TAF1A: variants seen among roughly 807,000 people sequenced by gnomAD.
TAF1A encodes TATA box-binding protein-associated factor RNA polymerase I subunit A.
A neutral mutation model predicts 61.6 loss-of-function variants in TAF1A; 42 were observed. The observed-to-expected ratio is 0.68, with a 90% CI of 0.53 to 0.88. The LOEUF (loss-of-function observed/expected upper bound fraction) is 0.88, where lower values mean the gene tolerates loss of function less well. Among genes scored for constraint, TAF1A ranks in the 40% least tolerant of loss-of-function variants. The pLI is 0.00. For synonymous variants in TAF1A, 179 were observed against 177.7 expected (o/e 1.01, Z -0.06); for missense variants, 424 against 518.7 (o/e 0.82, Z 1.77).
At chr1:222,575,222 AT>A (rs999662359) in intron 5 of TAF1A, among the ~76,000 whole-genome samples, 4 of 151,936 alleles carry the variant, frequency 2.6e-5, no homozygotes, top group African/African-American at 7.3e-5. Context: ...ATGGAAAAAA[AT>A]TTTTTTTAAA....
intron 7 of TAF1A, among the ~76,000 whole-genome samples, chr1:222,565,028 C>T (rs1267550128): frequency 1.3e-5 from 2 of 152,160 alleles, no homozygotes; most frequent in Non-Finnish European, 2.9e-5. Context: ...GCATACAAAT[C>T]ATGACACCAG....
At chr1:222,581,991 C>T (rs141731972) in intron 3 of TAF1A, among the ~76,000 whole-genome samples, 1 of 152,136 alleles carries the variant, frequency 6.6e-6, no homozygotes, top group Admixed American at 6.5e-5. Context: ...ATGAAATTCA[C>T]TTATGTTTCA....
At chr1:222,583,673 A>G (rs558218484) in intron 3 of TAF1A, among the ~76,000 whole-genome samples, 2 of 152,066 alleles carry the variant, frequency 1.3e-5, no homozygotes, top group East Asian at 1.9e-4. Context: ...CCCCGTCTCT[A>G]CCAAAATACA....
Position 222,564,317 on chromosome 1 carries a change from A to T in TAF1A, c.895-192T>A, listed in dbSNP as rs1180134282. Among the ~76,000 whole-genome samples the T allele has an allele frequency of 1.8e-4, 4 of 21,806 alleles. No homozygotes were observed. The highest frequency in any genetic ancestry group is 5.4e-4 in the African/African-American group (3 of 5,562). 14.3% of individuals were successfully genotyped at this position (21,806 alleles called of 152,430 possible). A position where few individuals can be genotyped will look rare whatever the true frequency, so the allele number is the denominator to read the frequency against. On this transcript the variant is annotated intron_variant, in intron 7 of 10. Coordinates refer to ENST00000352967, the MANE Select transcript of TAF1A (RefSeq NM_005681.4). ...AAAGCATTCTCTGTAAAGCTGTCTT[A>T]AAAAAAAAAAAAAAAAAAAGGCCCT...
chr1:222,555,958 A>C (rs1659720360), downstream of TAF1A, among the ~76,000 whole-genome samples: 1 of 152,198 alleles, frequency 6.6e-6, no homozygotes. Flanking sequence ...CAGTCCTGTC[A>C]GACTGTTCCA....
chr1:222,560,300 ACTGATGC>A (rs1659863170), intron 10 of TAF1A, among the ~76,000 whole-genome samples: 1 of 152,236 alleles, frequency 6.6e-6, no homozygotes. Context: ...TGCGGGAGTA[ACTGATGC>A]CTGATATTTG....
intron 2 of TAF1A, among the ~76,000 whole-genome samples, chr1:222,588,192 C>T (rs1340211071): frequency 2.0e-5 from 3 of 152,166 alleles, no homozygotes; most frequent in Non-Finnish European, 4.4e-5. Context: ...AATATTTAAT[C>T]AATGCCAGAG....
At chr1:222,568,504 T>A (rs1248331390) in intron 7 of TAF1A, among the ~76,000 whole-genome samples, 6 of 152,104 alleles carry the variant, frequency 3.9e-5, no homozygotes, top group African/African-American at 1.4e-4. Flanking sequence ...CCAATAGACA[T>A]ACTAAAAGAT....
intron 2 of TAF1A, among the ~76,000 whole-genome samples, chr1:222,587,185 A>G (rs1661049372): frequency 6.6e-6 from 1 of 152,198 alleles, no homozygotes; most frequent in South Asian, 2.1e-4. Flanking sequence ...AAATGAGGAG[A>G]GGAAAGGCAC....
chr1:222,561,680 A>G (rs1045155314), intron 9 of TAF1A, among the ~76,000 whole-genome samples, 162 bp from the exon 10 acceptor site: 3 of 152,238 alleles, frequency 2.0e-5, no homozygotes, highest in African/African-American at 7.2e-5. Flanking sequence ...CAACAGCAGG[A>G]AAGCAAATCC....
At chr1:222,576,796 G>A (rs968298106) in intron 5 of TAF1A, among the ~76,000 whole-genome samples, 1 of 152,216 alleles carries the variant, frequency 6.6e-6, no homozygotes, top group Non-Finnish European at 1.5e-5. Context: ...TTTATTATAT[G>A]TAATAATGAC....
chr1:222,569,410 A>C (rs1208575722), intron 7 of TAF1A, 100 bp downstream of exon 7: 1 of 1,605,158 alleles, frequency 6.2e-7, no homozygotes, highest in African/African-American at 1.3e-5. Context: ...ACATTATTGA[A>C]ATTTTCTGTA....
At chr1:222,569,396 CTGTACATTAT>C in intron 7 of TAF1A, 104 bp downstream of exon 7, 2 of 1,595,076 alleles carry the variant, frequency 1.3e-6, no homozygotes, top group Non-Finnish European at 1.7e-6. Flanking sequence ...TCTCAGTGTA[CTGTACATTAT>C]TGAAATTTTC....
chr1:222,571,120 T>C (rs1382194869), intron 5 of TAF1A, among the ~76,000 whole-genome samples: 1 of 152,058 alleles, frequency 6.6e-6, no homozygotes, highest in East Asian at 1.9e-4. Context: ...ATCAAAAGAA[T>C]ACAGGACCAA....
intron 1 of TAF1A, among the ~76,000 whole-genome samples, chr1:222,589,028 T>G (rs543247438): frequency 2.6e-5 from 4 of 152,224 alleles, no homozygotes; most frequent in African/African-American, 9.6e-5. Flanking sequence ...ACTGAGGGGC[T>G]TAGTGAAATG....
chr1:222,570,569 C>T lies in TAF1A; in HGVS notation c.701G>A (p.Gly234Glu). ...ACTCTTCACAAAAGGGTCCCAAACT[C>T]CAGGAATTTTAATCAATGCAGAAAT... ...ANISALIKIP[G>E]VWDPFVKSYV... is the part of the protein sequence containing the mutation. The change falls in exon 6 of 11, where the codon GGA becomes GAA. Residue 234 changes from glycine to glutamate, a missense_variant. Physicochemically the swap from Gly to Glu is moderately conservative, Grantham distance 98. Coordinates refer to ENST00000352967, the MANE Select transcript of TAF1A (RefSeq NM_005681.4). 6.2e-7 allele frequency: 1 copy of T among 1,612,392 alleles called. No individual in the cohort carries two copies. Among genetic ancestry groups the T allele is most frequent in the Non-Finnish European group, 8.5e-7 (1 of 1,178,866 alleles).
chr1:222,570,267 T>G (rs557256431), intron 6 of TAF1A, among the ~76,000 whole-genome samples: 1 of 152,282 alleles, frequency 6.6e-6, no homozygotes, highest in South Asian at 2.1e-4. Context: ...TAAGGTATCT[T>G]ACTGCATTTC....
chr1:222,569,518 C>T lies in TAF1A; in HGVS notation c.886G>A (p.Val296Met), dbSNP rs1660259921. 1 of 1,613,882 alleles carries T rather than the reference C, an allele frequency of 6.2e-7. No homozygotes were observed. The highest frequency in any genetic ancestry group is 8.5e-7 in the Non-Finnish European group (1 of 1,179,894). ...AGATAAAAATTCTATACCTTAAGCACACTTATCAATTTTGATCTTGGTGCC... is the reference window on the plus strand; with the variant it reads ...AGATAAAAATTCTATACCTTAAGCATACTTATCAATTTTGATCTTGGTGCC... ...QKAPRSKLIS[V>M]LKILYQIVPS... The change falls in exon 7 of 11, where the codon GTG becomes ATG. Residue 296 changes from valine to methionine, a missense_variant. By Grantham distance (21) the Val-to-Met change is conservative (BLOSUM62 1). Coordinates refer to ENST00000352967, the MANE Select transcript of TAF1A (RefSeq NM_005681.4).
At chr1:222,556,328 T>C (rs572943887), downstream of TAF1A, among the ~76,000 whole-genome samples, 18 of 152,156 alleles carry the variant, frequency 1.2e-4, no homozygotes, top group Non-Finnish European at 2.4e-4. Flanking sequence ...TGGGTTCTTT[T>C]TGCTGCTTTG....
Sources: gnomAD v4.1 joint callset for allele counts (sites outside exome capture counted in the v4.1 genomes callset) on GRCh38, gnomAD v4.1.1 for gene constraint, MANE v1.5 for transcripts, NCBI Gene and HGNC (gene_info 2026-07-23, HGNC 2026-07-21) for gene names.